The following ATP5MK variants were observed in gnomAD, a reference collection of about 807,000 sequenced individuals.
ATP5MK encodes ATP synthase membrane subunit k.
A neutral mutation model predicts 6.6 loss-of-function variants in ATP5MK; 5 were observed. The ratio of observed to expected loss-of-function variants is 0.76; its 90% CI spans 0.40 to 1.60. ATP5MK has a LOEUF of 1.60. ATP5MK is among the 40% of genes most tolerant of loss of function. The pLI is 0.02. For missense variants in ATP5MK, 57 were observed against 66.6 expected (o/e 0.86, Z 0.50); for synonymous variants, 30 against 24.5 (o/e 1.22, Z -0.66).
intron 2 of ATP5MK, chr10:103,394,306 C>CCGA (rs2093423455): frequency 1.9e-6 from 1 of 534,262 alleles, no homozygotes. Flanking sequence ...TCTACCACGA[C>CCGA]CGACGCCACG....
chr10:103,392,228 CT>C lies in ATP5MK; in HGVS notation c.142del (p.Arg48GlyfsTer8). 3.1e-6 allele frequency: 5 copies of C among 1,612,712 alleles called. No individual in the cohort carries two copies. The highest frequency in any genetic ancestry group is 4.2e-6 in the Non-Finnish European group (5 of 1,179,522). On this transcript the variant is annotated frameshift_variant, in exon 4 of 5. Transcript: ENST00000369815. LOFTEE classifies it high-confidence loss of function. Reference sequence around the variant, plus strand: ...TTTCACAGCTGGAGTTTTTTTGGACCTTAACTTGAAATATAAGACAATCAAT... The same window carrying C: ...TTTCACAGCTGGAGTTTTTTTGGACCTAACTTGAAATATAAGACAATCAAT... ...IALIVLYFKL[R>X]SKKTPAVKAT is the part of the protein sequence containing the mutation.
chr10:103,394,324 G>A, intron 2 of ATP5MK: 1 of 534,156 alleles, frequency 1.9e-6, no homozygotes, highest in Non-Finnish European at 3.9e-6. Flanking sequence ...ACGCCGAGTC[G>A]ATTGGCAACA....
chr10:103,393,900 G>C (rs1225424559), intron 2 of ATP5MK, among the ~76,000 whole-genome samples: 1 of 152,110 alleles, frequency 6.6e-6, no homozygotes, highest in African/African-American at 2.4e-5. Flanking sequence ...CCCAAGTAAC[G>C]TTCAATTTTG....
At chr10:103,394,435 T>C (rs768063541) in intron 2 of ATP5MK, 3 of 450,162 alleles carry the variant, frequency 6.7e-6, no homozygotes, top group Non-Finnish European at 1.5e-5. Flanking sequence ...CAGGGAGTCA[T>C]TACTATGGAA....
chr10:103,394,308 G>T (rs757783218), intron 2 of ATP5MK: 13 of 534,000 alleles, frequency 2.4e-5, no homozygotes, highest in Non-Finnish European at 5.0e-5. Context: ...TACCACGACC[G>T]ACGCCACGCC....
intron 2 of ATP5MK, among the ~76,000 whole-genome samples, chr10:103,393,526 G>C (rs940771384): frequency 6.6e-6 from 1 of 151,386 alleles, no homozygotes; most frequent in Non-Finnish European, 1.5e-5. Flanking sequence ...CTTGCAGTGA[G>C]CCTAGATTGC....
intron 4 of ATP5MK, among the ~76,000 whole-genome samples, chr10:103,391,057 A>T (rs2093413133): frequency 6.6e-6 from 1 of 152,260 alleles, no homozygotes; most frequent in Non-Finnish European, 1.5e-5. Context: ...CCCAATTGAT[A>T]AATAAAAACA....
chr10:103,394,515 A>G (rs1480113986), intron 2 of ATP5MK: 2 of 360,612 alleles, frequency 5.5e-6, no homozygotes, highest in South Asian at 5.0e-5. Context: ...AAAATTTGAG[A>G]AAAATGACCT....
intron 4 of ATP5MK, among the ~76,000 whole-genome samples, chr10:103,391,815 CTTTTT>C (rs1039226822): frequency 6.6e-6 from 1 of 150,784 alleles, no homozygotes; most frequent in Non-Finnish European, 1.5e-5. Context: ...GCCTCTTTTT[CTTTTT>C]TTTGAGACAC....
chr10:103,391,944 A>G (rs2093415778), intron 4 of ATP5MK, among the ~76,000 whole-genome samples: 1 of 152,050 alleles, frequency 6.6e-6, no homozygotes, highest in East Asian at 1.9e-4. Context: ...GTTTTTTGGT[A>G]GAGATGGGGT....
At chr10:103,390,560 G>A (rs1017942579) in intron 4 of ATP5MK, among the ~76,000 whole-genome samples, 3 of 151,870 alleles carry the variant, frequency 2.0e-5, no homozygotes, top group Admixed American at 1.3e-4. Flanking sequence ...AAGCCAAGGC[G>A]GGCATATCAC....
At chr10:103,396,090 T>C (rs144638223) in intron 1 of ATP5MK, 58 bp from the exon 2 acceptor site, 96 of 152,440 alleles carry the variant, frequency 6.3e-4, no homozygotes, top group African/African-American at 2.1e-3. Flanking sequence ...TCAGAAGCCC[T>C]AGTCCTCGTC....
chr10:103,395,916 G>A lies in ATP5MK; in HGVS notation c.-180C>T, dbSNP rs1407839559. On this transcript the variant is annotated 5_prime_UTR_variant, in exon 2 of 5. Coordinates refer to ENST00000369815, the MANE Select transcript of ATP5MK (RefSeq NM_001206427.2). ...ACTGAAATCTAACCCTTTTACAGCGGGCCTGGCGAACTGTAGGGGCCGGGC... is the reference window on the plus strand; with the variant it reads ...ACTGAAATCTAACCCTTTTACAGCGAGCCTGGCGAACTGTAGGGGCCGGGC... 2 of 152,182 alleles carry A rather than the reference G, an allele frequency of 1.3e-5. No individual in the cohort carries two copies. Among genetic ancestry groups the A allele is most frequent in the African/African-American group, 2.4e-5 (1 of 41,432 alleles). The allele number at this position is 152,182 out of a possible 1,614,324, so 9.4% of individuals were successfully genotyped here.
At chr10:103,394,241 C>T (rs770595103) in intron 2 of ATP5MK, 7 of 525,920 alleles carry the variant, frequency 1.3e-5, no homozygotes, top group Non-Finnish European at 2.4e-5. Context: ...ATAGACAAGA[C>T]GTATTCAAAA....
chr10:103,392,080 T>C (rs1481343258), intron 4 of ATP5MK, 111 bp downstream of exon 4: 3 of 904,392 alleles, frequency 3.3e-6, no homozygotes, highest in Non-Finnish European at 5.0e-6. Context: ...TTTTTTCTTG[T>C]ATGCTATAAA....
At chr10:103,396,326 G>T (rs879876692) in intron 1 of ATP5MK, 83 bp downstream of exon 1, 1 of 152,222 alleles carries the variant, frequency 6.6e-6, no homozygotes, top group Non-Finnish European at 1.5e-5. Context: ...CTAAGAACTC[G>T]AGTTGCTCCT....
chr10:103,392,258 A>G lies in ATP5MK; in HGVS notation c.113T>C (p.Ile38Thr), dbSNP rs768167206. The change falls in exon 4 of 5, where the codon ATT becomes ACT. Residue 38 changes from isoleucine to threonine, a missense_variant. Coordinates refer to ENST00000369815, the MANE Select transcript of ATP5MK (RefSeq NM_001206427.2). ...CTTGAAATATAAGACAATCAATGCA[A>G]TGCTTCCATATGTGGCCAGTACACA... ...MNCVLATYGS[I>T]ALIVLYFKLR... The G allele has an allele frequency of 6.2e-6, 10 of 1,613,474 alleles. No homozygotes were observed. The highest frequency in any genetic ancestry group is 2.7e-5 in the African/African-American group (2 of 74,898).
rs371356271 is a variant in ATP5MK at position 103,394,746 on chromosome 10, GC to G, written c.-10+999del. ...ACTTACTAAAGACATACTTCCCCCC[GC>G]CCCCCGCCCCCCCACCAGCTCCATT... On this transcript the variant is annotated intron_variant, in intron 2 of 4. Coordinates refer to ENST00000369815, the MANE Select transcript of ATP5MK (RefSeq NM_001206427.2). Among the ~76,000 whole-genome samples, 6 of 59,528 alleles carry G rather than the reference GC, an allele frequency of 1.0e-4. No homozygotes were observed. In the Admixed American group the frequency reaches 1.3e-3, roughly 13 times the overall value. 39.1% of individuals were successfully genotyped at this position (59,528 alleles called of 152,430 possible). A position where few individuals can be genotyped will look rare whatever the true frequency, so the allele number is the denominator to read the frequency against.
chr10:103,392,546 C>A, intron 2 of ATP5MK, 80 bp from the exon 3 acceptor site: 1 of 1,106,870 alleles, frequency 9.0e-7, no homozygotes, highest in South Asian at 1.6e-5. Flanking sequence ...TTGTTTTAGT[C>A]TAAAAACTCA....
Sources: gnomAD v4.1 joint callset for allele counts (sites outside exome capture counted in the v4.1 genomes callset) on GRCh38, gnomAD v4.1.1 for gene constraint, MANE v1.5 for transcripts, NCBI Gene and HGNC (gene_info 2026-07-23, HGNC 2026-07-21) for gene names.